Variants in CYP2R1 observed in about 807,000 individuals in gnomAD.
CYP2R1 encodes vitamin D 25-hydroxylase.
A neutral mutation model predicts 45.7 loss-of-function variants in CYP2R1; 40 were observed. That is an observed-to-expected ratio of 0.87 (90% CI 0.68 to 1.14). The LOEUF (loss-of-function observed/expected upper bound fraction) is 1.14, where lower values mean the gene tolerates loss of function less well. CYP2R1 is among the 50% of genes most tolerant of loss of function. CYP2R1 has a pLI of 0.00. For missense variants in CYP2R1, 605 were observed against 602.6 expected (o/e 1.00, Z -0.04); for synonymous variants, 234 against 219.3 (o/e 1.07, Z -0.59).
rs782078269 is a variant in CYP2R1, at chr11:14,880,256, T to G, written c.880A>C (p.Thr294Pro). Residue 294 changes from threonine (T) to proline (P), a missense_variant, in exon 3 of 5, where the codon ACT (threonine) becomes CCT (proline). Coordinates refer to ENST00000334636, the MANE Select transcript of CYP2R1 (RefSeq NM_024514.5). Reference protein sequence around the residue: ...MDQGKNDPSSTFSKENLIFSV... With the variant: ...MDQGKNDPSSPFSKENLIFSV... ...AAAATTAGGTTTTCTTTGGAGAAAG[T>G]AGATGATGGGTCATTTTTACCTTGA... 30 of 1,613,108 alleles carry G rather than the reference T, an allele frequency of 1.9e-5. No homozygotes were observed. Among genetic ancestry groups the G allele is most frequent in the Non-Finnish European group, 2.5e-5 (30 of 1,179,422 alleles).
At chr11:14,881,639 AG>A (rs1475327784) in intron 2 of CYP2R1, among the ~76,000 whole-genome samples, 1 of 152,070 alleles carries the variant, frequency 6.6e-6, no homozygotes, top group Non-Finnish European at 1.5e-5. Context: ...CTTGGTGATA[AG>A]TGAGTTCTCG....
At chr11:14,879,995 T>C (rs1848313457) in intron 3 of CYP2R1, 141 bp downstream of exon 3, 18 of 820,812 alleles carry the variant, frequency 2.2e-5, no homozygotes, top group Non-Finnish European at 3.1e-5. Flanking sequence ...AAACTCTTTT[T>C]TGTAACTATT....
At chr11:14,887,947 T>C (rs1273751243) in intron 1 of CYP2R1, among the ~76,000 whole-genome samples, 3 of 152,218 alleles carry the variant, frequency 2.0e-5, no homozygotes, top group Non-Finnish European at 4.4e-5. Context: ...ATTTCATCCT[T>C]GTCTTTTTAC....
intron 1 of CYP2R1, chr11:14,891,179 T>C (rs772523394): frequency 4.4e-5 from 43 of 985,208 alleles, no homozygotes; most frequent in Non-Finnish European, 5.1e-5. Flanking sequence ...CCTTTTCCGC[T>C]GCCAGTCACA....
chr11:14,882,289 G>A (rs967745663), intron 2 of CYP2R1, among the ~76,000 whole-genome samples: 10 of 152,074 alleles, frequency 6.6e-5, no homozygotes, highest in African/African-American at 2.2e-4. Context: ...TATACAGCAC[G>A]TAAAAAGATA....
rs782622433 is a variant in CYP2R1 at position 14,892,044 on chromosome 11, G to A, written c.162C>T (p.Ser54=). 16 of 1,613,074 alleles carry A rather than the reference G, an allele frequency of 9.9e-6. No homozygotes were observed. In the Admixed American group the frequency reaches 2.3e-4, roughly 24 times the overall value. ...GGGGAAGCTCGGATGAGGCTGCCAG[G>A]GAATAGATGTTGCCGATAAATGGCA... is the stretch of plus-strand genomic sequence containing the variant. The part of the protein sequence containing the change: ...PGLPFIGNIY[S]LAASSELPHV... Residue 54 remains serine (S), a synonymous_variant, in exon 1 of 5, where the codon TCC becomes TCT. Transcript: ENST00000334636.
intron 1 of CYP2R1, 47 bp from the exon 2 acceptor site, chr11:14,885,964 A>T: frequency 3.2e-6 from 5 of 1,582,388 alleles, no homozygotes; most frequent in Non-Finnish European, 4.3e-6. Context: ...GCATGTATGG[A>T]GAAATATAAC....
chr11:14,888,378 A>C (rs1234986152), intron 1 of CYP2R1, among the ~76,000 whole-genome samples: 1 of 152,228 alleles, frequency 6.6e-6, no homozygotes, highest in Non-Finnish European at 1.5e-5. Flanking sequence ...ACATTTAAAC[A>C]TATTATTATA....
chr11:14,878,413 CTA>C, intron 4 of CYP2R1, 116 bp from the exon 5 acceptor site: 1 of 990,570 alleles, frequency 1.0e-6, no homozygotes, highest in East Asian at 2.6e-5. Context: ...AAAGAGGGAA[CTA>C]TGTTTATTAA....
At chr11:14,880,837 A>T (rs560130367) in intron 2 of CYP2R1, 69 bp from the exon 3 acceptor site, 1 of 1,443,480 alleles carries the variant, frequency 6.9e-7, no homozygotes. Context: ...AGGGAACAAA[A>T]TTTTTTTAAT....
intron 2 of CYP2R1, 151 bp downstream of exon 2, chr11:14,885,625 C>G (rs1555014142): frequency 5.2e-6 from 4 of 773,228 alleles, no homozygotes; most frequent in African/African-American, 3.5e-5. Context: ...TGTAGTACAG[C>G]CTGAAAGGTC....
In CYP2R1 at chr11:14,878,241, T is replaced by TA. The variant is rs1555010347; in HGVS notation, c.1386dup (p.Thr463TyrfsTer14). ...AAATGAAACCTCTGAAGCAATGCTG[T>TA]AAAAAACAAGAACATTTCCATCCGA... On this transcript the variant is annotated frameshift_variant, in exon 5 of 5. Transcript: ENST00000334636. LOFTEE classifies it high-confidence loss of function. 2 of 1,613,160 alleles carry TA rather than the reference T, an allele frequency of 1.2e-6. No homozygotes were observed. Among genetic ancestry groups the TA allele is most frequent in the East Asian group, 2.2e-5 (1 of 44,862 alleles).
chr11:14,889,092 T>C (rs797032144), intron 1 of CYP2R1, among the ~76,000 whole-genome samples: 8 of 152,206 alleles, frequency 5.3e-5, no homozygotes, highest in African/African-American at 1.9e-4. Context: ...CAAAGCAGAA[T>C]TGAATTCACA....
chr11:14,884,931 T>C (rs1312366708), intron 2 of CYP2R1, among the ~76,000 whole-genome samples: 2 of 152,150 alleles, frequency 1.3e-5, no homozygotes, highest in African/African-American at 4.8e-5. Flanking sequence ...TTTATTTATA[T>C]TACTGCTTTC....
intron 1 of CYP2R1, chr11:14,887,536 T>C (rs1590228814): frequency 1.9e-5 from 17 of 912,920 alleles, no homozygotes; most frequent in Admixed American, 6.2e-5. Flanking sequence ...AGCTTATATA[T>C]TCTTTGATTT....
chr11:14,878,498 G>C (rs1848243421), intron 4 of CYP2R1, among the ~76,000 whole-genome samples: 1 of 151,934 alleles, frequency 6.6e-6, no homozygotes, highest in African/African-American at 2.4e-5. Context: ...ACCTCCTTTT[G>C]TTAGACCACG....
At chr11:14,885,162 TACTATTA>T (rs1848566907) in intron 2 of CYP2R1, among the ~76,000 whole-genome samples, 1 of 152,218 alleles carries the variant, frequency 6.6e-6, no homozygotes, top group Non-Finnish European at 1.5e-5. Flanking sequence ...AAAATTCTTA[TACTATTA>T]ACTATTAAAA....
At chr11:14,890,632 C>T (rs533121598) in intron 1 of CYP2R1, 33 of 221,626 alleles carry the variant, frequency 1.5e-4, no homozygotes, top group Non-Finnish European at 2.3e-4. Context: ...CTGAAAGCTC[C>T]GCCTCCCGGG....
intron 1 of CYP2R1, chr11:14,891,742 T>C: frequency 1.5e-6 from 2 of 1,345,900 alleles, no homozygotes; most frequent in Non-Finnish European, 9.5e-7. Flanking sequence ...CTGGATCGCC[T>C]CGGAGCCTCG....
Sources: gnomAD v4.1 joint callset for allele counts (sites outside exome capture counted in the v4.1 genomes callset) on GRCh38, gnomAD v4.1.1 for gene constraint, MANE v1.5 for transcripts, NCBI Gene and HGNC (gene_info 2026-07-23, HGNC 2026-07-21) for gene names.